Variants in PCTP observed in about 807,000 individuals in gnomAD.
PCTP encodes START domain-containing protein 2.
Under a neutral mutation model 31.0 loss-of-function variants are expected in PCTP, and 27 were observed. That is an observed-to-expected ratio of 0.87 (90% CI 0.64 to 1.20). The LOEUF (loss-of-function observed/expected upper bound fraction) is 1.20. Ranked by LOEUF, PCTP falls within the 50% of genes most tolerant of loss-of-function variation. The probability of loss-of-function intolerance (pLI) is 0.00; values close to 1 mark genes in which losing one functional copy is unlikely to be tolerated. For missense variants in PCTP, 287 were observed against 268.2 expected (o/e 1.07, Z -0.49); for synonymous variants, 108 against 101.2 (o/e 1.07, Z -0.40).
intron 1 of PCTP, among the ~76,000 whole-genome samples, chr17:55,766,530 T>C (rs1379449983): frequency 1.3e-5 from 2 of 151,564 alleles, no homozygotes; most frequent in Non-Finnish European, 2.9e-5. Context: ...TTTGTTCTTG[T>C]GATAGTTTAC....
intron 5 of PCTP, among the ~76,000 whole-genome samples, chr17:55,834,237 T>G (rs1033053272): frequency 3.9e-5 from 6 of 152,272 alleles, no homozygotes; most frequent in African/African-American, 1.4e-4. Context: ...GTGCAGGATG[T>G]GAAGGCTTGT....
chr17:55,753,579 C>A (rs1466325855), intron 1 of PCTP, among the ~76,000 whole-genome samples: 1 of 152,174 alleles, frequency 6.6e-6, no homozygotes, highest in Non-Finnish European at 1.5e-5. Context: ...TGTCTGCCTC[C>A]AGTCCTGTGT....
intron 1 of PCTP, among the ~76,000 whole-genome samples, chr17:55,762,372 G>A (rs1338651202): frequency 1.3e-5 from 2 of 152,032 alleles, no homozygotes; most frequent in Admixed American, 1.3e-4. Context: ...GTAAACGGGG[G>A]CATCCGTGAG....
intron 3 of PCTP, among the ~76,000 whole-genome samples, chr17:55,792,326 A>G (rs987533168): frequency 7.6e-5 from 7 of 92,040 alleles, no homozygotes; most frequent in Admixed American, 4.6e-4. Flanking sequence ...TAAAAAAAAG[A>G]AAAAAAAAAG....
At chr17:55,775,307 T>C in intron 5 of PCTP, 2 of 1,235,026 alleles carry the variant, frequency 1.6e-6, no homozygotes, top group Non-Finnish European at 2.0e-6. Context: ...TTTTTCTCTA[T>C]AAGGGAGGGA....
downstream of PCTP, among the ~76,000 whole-genome samples, chr17:55,781,147 T>C (rs1911551150): frequency 6.6e-6 from 1 of 152,266 alleles, no homozygotes; most frequent in Non-Finnish European, 1.5e-5. Context: ...TCCTGGCCTG[T>C]GCCAAACAAT....
At position 55,776,192 on chromosome 17, in the gene PCTP, C is replaced by T; in HGVS notation, c.*92C>T. On this transcript the variant is annotated 3_prime_UTR_variant, in exon 6 of 6. Transcript: ENST00000268896. ...TGGAAGTGCCACCTGGAAGTGCCAC[C>T]TGGAAGTGTCTCTGGAAGAGCACCC... The T allele has an allele frequency of 1.9e-6, 3 of 1,548,742 alleles. No individual in the cohort carries two copies. In the South Asian group the frequency reaches 3.7e-5, roughly 19 times the overall value.
chr17:55,819,634 T>A (rs9912189), intron 3 of PCTP, among the ~76,000 whole-genome samples: 1 of 151,896 alleles, frequency 6.6e-6, no homozygotes, highest in South Asian at 2.1e-4. Context: ...GTGCATCTGT[T>A]GTCCTGGCTA....
intron 3 of PCTP, chr17:55,787,707 T>C (rs1289227943): frequency 6.6e-6 from 1 of 152,184 alleles, no homozygotes; most frequent in Non-Finnish European, 1.5e-5. Flanking sequence ...TAGGTCATCT[T>C]ATCTACCATC....
chr17:55,772,085 A>G (rs1863398316), intron 3 of PCTP, among the ~76,000 whole-genome samples: 1 of 152,230 alleles, frequency 6.6e-6, no homozygotes, highest in African/African-American at 2.4e-5. Context: ...GTATCAGATG[A>G]TATCTATCAC....
intron 3 of PCTP, among the ~76,000 whole-genome samples, chr17:55,821,536 G>T (rs1321240733): frequency 6.6e-6 from 1 of 152,148 alleles, no homozygotes; most frequent in Non-Finnish European, 1.5e-5. Context: ...TCTCAATAAA[G>T]CTGTCATAAA....
intron 3 of PCTP, among the ~76,000 whole-genome samples, chr17:55,804,716 G>C (rs117672310): frequency 2.6e-5 from 4 of 152,148 alleles, no homozygotes; most frequent in Non-Finnish European, 5.9e-5. Context: ...CCTGTCACAG[G>C]GTGGGGGACT....
intron 3 of PCTP, among the ~76,000 whole-genome samples, chr17:55,801,911 A>G (rs563329683): frequency 6.6e-6 from 1 of 152,334 alleles, no homozygotes; most frequent in South Asian, 2.1e-4. Flanking sequence ...CTTCAAAAAA[A>G]TCAGTGAATC....
chr17:55,838,013 G>T (rs1905833758), intron 5 of PCTP, among the ~76,000 whole-genome samples: 1 of 151,856 alleles, frequency 6.6e-6, no homozygotes, highest in South Asian at 2.1e-4. Flanking sequence ...ATGATAGTGT[G>T]CACCTTTAGT....
At chr17:55,774,038 C>A in intron 4 of PCTP, 143 bp downstream of exon 4, 1 of 974,708 alleles carries the variant, frequency 1.0e-6, no homozygotes, top group Non-Finnish European at 1.5e-6. Flanking sequence ...CCAGGATCAG[C>A]ACCTAGAGAG....
Position 55,776,385 on chromosome 17 carries a change from A to G in PCTP, c.*285A>G. On this transcript the variant is annotated 3_prime_UTR_variant, in exon 6 of 6. Coordinates refer to ENST00000268896, the MANE Select transcript of PCTP (RefSeq NM_021213.4). ...TCTACAGTTCAATATGGGGCAGACT[A>G]GGGAAACCTTTGCTTGCTTACTATT... is the stretch of plus-strand genomic sequence containing the variant. 1 of 1,265,164 alleles carries G rather than the reference A, an allele frequency of 7.9e-7. No individual in the cohort carries two copies. The highest frequency in any genetic ancestry group is 9.9e-7 in the Non-Finnish European group (1 of 1,008,012). 78.4% of individuals were successfully genotyped at this position (1,265,164 alleles called of 1,614,324 possible). A position where few individuals can be genotyped will look rare whatever the true frequency, so the allele number is the denominator to read the frequency against.
chr17:55,849,279 A>G, the PCTP span, among the ~76,000 whole-genome samples: 6 of 152,282 alleles, frequency 3.9e-5, no homozygotes, highest in East Asian at 1.2e-3. Context: ...CTGAAAAGGA[A>G]ATGTCTAGCT....
intron 3 of PCTP, among the ~76,000 whole-genome samples, chr17:55,803,428 CT>C (rs1912457450): frequency 6.6e-6 from 1 of 152,170 alleles, no homozygotes; most frequent in African/African-American, 2.4e-5. Flanking sequence ...AAGAACGAAG[CT>C]GAAGGCATCA....
chr17:55,851,798 T>C, the PCTP span, among the ~76,000 whole-genome samples: 1 of 152,142 alleles, frequency 6.6e-6, no homozygotes, highest in Non-Finnish European at 1.5e-5. Context: ...ACCATCTGAA[T>C]CAAAAAACCT....
Sources: allele counts gnomAD v4.1 joint callset (sites outside exome capture counted in the v4.1 genomes callset), GRCh38; gene constraint gnomAD v4.1.1; transcripts MANE v1.5; gene names NCBI Gene and HGNC (gene_info 2026-07-23, HGNC 2026-07-21).